The following NOX4 variants were observed in gnomAD, a reference collection of about 807,000 sequenced individuals.
NOX4 encodes the protein NADPH oxidase 4.
NOX4 carries 69 observed loss-of-function variants against 87.6 expected under a neutral mutation model. The ratio of observed to expected loss-of-function variants is 0.79; its 90% CI spans 0.65 to 0.96. The LOEUF is 0.96. Ranked by LOEUF, NOX4 falls within the 40% of genes least tolerant of loss-of-function variation. The probability of loss-of-function intolerance (pLI) is 0.00; values close to 1 mark genes in which losing one functional copy is unlikely to be tolerated. For missense variants in NOX4, 680 were observed against 681.5 expected, an observed-to-expected ratio of 1.00 and a Z score of 0.02; for synonymous variants, 275 against 238.2, an observed-to-expected ratio of 1.15 and a Z score of -1.42.
At chr11:89,553,746 A>T in the NOX4 span, among the ~76,000 whole-genome samples, 2 of 152,166 alleles carry the variant, frequency 1.3e-5, no homozygotes, top group African/African-American at 4.8e-5. Flanking sequence ...CACACATATT[A>T]TCAAGATAAA....
intron 12 of NOX4, among the ~76,000 whole-genome samples, 155 bp downstream of exon 12, chr11:89,373,277 C>CAAAAAAAAAAAAAAAAAAA (rs144113376): frequency 8.5e-5 from 5 of 59,092 alleles, no homozygotes; most frequent in Non-Finnish European, 1.8e-4. Flanking sequence ...ACTGTACAAG[C>CAAAAAAAAAAAAAAAAAAA]AAAAAAAAAA....
In NOX4 at chr11:89,417,816, G is replaced by C. The variant is rs551393846; in HGVS notation, c.629+4086C>G. Among the ~76,000 whole-genome samples the C allele has an allele frequency of 5.9e-5, 9 of 152,042 alleles. No individual in the cohort carries two copies. The East Asian group carries it at 1.5e-3, about 26-fold the overall frequency. On this transcript the variant is annotated intron_variant, in intron 8 of 17. Transcript: ENST00000263317. The stretch of plus-strand genomic sequence containing the variant: ...CTTTGCTGCATTACTTTAAACCCAA[G>C]ACAACACTATGATATAAGTGATTTT...
chr11:89,341,280 G>A (rs1293568752), intron 14 of NOX4, among the ~76,000 whole-genome samples: 22 of 151,566 alleles, frequency 1.5e-4, no homozygotes, highest in Non-Finnish European at 2.7e-4. Context: ...GCAAAACCAC[G>A]CCTGGTTGAT....
At chr11:89,361,014 G>A (rs1253066768) in intron 12 of NOX4, among the ~76,000 whole-genome samples, 2 of 152,070 alleles carry the variant, frequency 1.3e-5, no homozygotes, top group Admixed American at 6.6e-5. Flanking sequence ...ATGTAAATTA[G>A]TGCAAATGAC....
At chr11:89,566,576 A>T in the NOX4 span, among the ~76,000 whole-genome samples, 335 of 147,620 alleles carry the variant, frequency 2.3e-3, no homozygotes, top group Middle Eastern at 6.8e-3. Flanking sequence ...TAGAAGACAT[A>T]TACATAAAAA....
chr11:89,556,088 AC>A, the NOX4 span, among the ~76,000 whole-genome samples: 2 of 152,294 alleles, frequency 1.3e-5, no homozygotes, highest in South Asian at 4.1e-4. Context: ...GCAAGAGCTT[AC>A]ATCTCTAATC....
chr11:89,546,914 A>G, the NOX4 span, among the ~76,000 whole-genome samples: 63 of 152,330 alleles, frequency 4.1e-4, no homozygotes, highest in African/African-American at 1.4e-3. Context: ...ATTGTTTCCA[A>G]CACACAAACT....
chr11:89,412,796 A>G (rs1173922584), intron 8 of NOX4, among the ~76,000 whole-genome samples: 1 of 152,114 alleles, frequency 6.6e-6, no homozygotes, highest in Non-Finnish European at 1.5e-5. Flanking sequence ...AATATCCCAC[A>G]AGCAAAGACA....
the NOX4 span, among the ~76,000 whole-genome samples, chr11:89,527,804 G>C: frequency 2.0e-5 from 3 of 152,126 alleles, no homozygotes; most frequent in Non-Finnish European, 2.9e-5. Context: ...CCTCTGCTAG[G>C]GCAGTGTGGA....
At chr11:89,421,795 C>T in intron 8 of NOX4, 107 bp downstream of exon 8, 1 of 600,590 alleles carries the variant, frequency 1.7e-6, no homozygotes, top group South Asian at 2.2e-5. Flanking sequence ...CTATTTCTTT[C>T]ACTCTTGACA....
At chr11:89,571,701 A>T in the NOX4 span, among the ~76,000 whole-genome samples, 4 of 151,750 alleles carry the variant, frequency 2.6e-5, no homozygotes, top group African/African-American at 7.3e-5. Context: ...GAAAAAAAAA[A>T]AAATAAACCT....
At chr11:89,407,944 T>G (rs1036125957) in intron 8 of NOX4, among the ~76,000 whole-genome samples, 3 of 151,468 alleles carry the variant, frequency 2.0e-5, no homozygotes, top group African/African-American at 4.9e-5. Context: ...AAAATTCTTA[T>G]CCCTTAGGAA....
chr11:89,546,341 C>T, the NOX4 span, among the ~76,000 whole-genome samples: 5 of 152,156 alleles, frequency 3.3e-5, no homozygotes, highest in African/African-American at 1.2e-4. Flanking sequence ...GAGGAGGAAT[C>T]CTAAGTGGGA....
intron 13 of NOX4, among the ~76,000 whole-genome samples, chr11:89,344,319 G>A (rs1946125884): frequency 6.6e-6 from 1 of 152,148 alleles, no homozygotes; most frequent in South Asian, 2.1e-4. Context: ...CCAGCACTTA[G>A]GGAGGCTGAG....
the NOX4 span, among the ~76,000 whole-genome samples, chr11:89,558,705 G>A: frequency 3.3e-4 from 50 of 151,976 alleles, 1 homozygote; most frequent in Non-Finnish European, 2.9e-5. Context: ...CCAAGGATTC[G>A]TTGGCACAAA....
At chr11:89,444,856 G>A (rs1188728844) in intron 4 of NOX4, among the ~76,000 whole-genome samples, 2 of 152,082 alleles carry the variant, frequency 1.3e-5, no homozygotes, top group Non-Finnish European at 2.9e-5. Flanking sequence ...GACTGACTTA[G>A]AGCTCACATA....
chr11:89,331,088 G>A (rs1479654782), intron 17 of NOX4, among the ~76,000 whole-genome samples: 5 of 151,764 alleles, frequency 3.3e-5, no homozygotes, highest in South Asian at 2.1e-4. Context: ...CATATCCTGG[G>A]CAATAAAACA....
At chr11:89,377,944 A>C (rs904256466) in intron 11 of NOX4, among the ~76,000 whole-genome samples, 2 of 152,078 alleles carry the variant, frequency 1.3e-5, no homozygotes, top group African/African-American at 4.8e-5. Context: ...TACTTCCAAA[A>C]CTATCTTCTC....
At chr11:89,329,250 A>T (rs1264266497) in intron 17 of NOX4, among the ~76,000 whole-genome samples, 1 of 151,732 alleles carries the variant, frequency 6.6e-6, no homozygotes, top group Admixed American at 6.6e-5. Flanking sequence ...GAAATGATAA[A>T]TATACTAGAT....
Sources: allele counts gnomAD v4.1 joint callset (sites outside exome capture counted in the v4.1 genomes callset), GRCh38; gene constraint gnomAD v4.1.1; transcripts MANE v1.5; gene names NCBI Gene and HGNC (gene_info 2026-07-23, HGNC 2026-07-21).